The following ATP9A variants were observed in gnomAD, a reference collection of about 807,000 sequenced individuals.
ATP9A encodes the protein probable phospholipid-transporting ATPase IIA.
ATP9A carries 52 observed loss-of-function variants against 144.1 expected under a neutral mutation model. The ratio of observed to expected loss-of-function variants is 0.36; its 90% CI spans 0.29 to 0.45. ATP9A has a LOEUF of 0.45. Among genes scored for constraint, ATP9A ranks in the 20% least tolerant of loss-of-function variants. The probability of loss-of-function intolerance (pLI) is 1.00; values close to 1 mark genes in which losing one functional copy is unlikely to be tolerated. For synonymous variants in ATP9A, 582 were observed against 557.4 expected, an observed-to-expected ratio of 1.04 and a Z score of -0.62; for missense variants, 947 against 1,392.7, an observed-to-expected ratio of 0.68 and a Z score of 5.09.
At chr20:51,759,195 A>G (rs1476377453) in intron 1 of ATP9A, among the ~76,000 whole-genome samples, 1 of 152,208 alleles carries the variant, frequency 6.6e-6, no homozygotes, top group Non-Finnish European at 1.5e-5. Context: ...CACTGTTCTC[A>G]TCCCAGGGGG....
intron 7 of ATP9A, among the ~76,000 whole-genome samples, chr20:51,691,150 C>T (rs1312942206): frequency 6.6e-6 from 1 of 152,146 alleles, no homozygotes; most frequent in Non-Finnish European, 1.5e-5. Context: ...TTCTGGCTTG[C>T]AAGACTTGTT....
At chr20:51,664,724 T>G (rs1213946108) in intron 13 of ATP9A, among the ~76,000 whole-genome samples, 1 of 150,116 alleles carries the variant, frequency 6.7e-6, no homozygotes, top group Admixed American at 6.6e-5. Flanking sequence ...TTAAATTTCT[T>G]TTTTTTTTCC....
At chr20:51,723,563 C>CTTTTT (rs753282602) in intron 3 of ATP9A, among the ~76,000 whole-genome samples, 1 of 133,242 alleles carries the variant, frequency 7.5e-6, no homozygotes, top group Non-Finnish European at 1.6e-5. Context: ...ACAGCAAATT[C>CTTTTT]TTTTTTTTTT....
chr20:51,623,495 G>A (rs982079490), intron 18 of ATP9A, among the ~76,000 whole-genome samples: 1 of 152,128 alleles, frequency 6.6e-6, no homozygotes, highest in Admixed American at 6.5e-5. Context: ...AAAATATCCT[G>A]TGCAGCCAGG....
At chr20:51,680,788 G>C (rs565612261) in intron 9 of ATP9A, among the ~76,000 whole-genome samples, 1 of 152,074 alleles carries the variant, frequency 6.6e-6, no homozygotes, top group Non-Finnish European at 1.5e-5. Context: ...TAGAATCAGA[G>C]GGCAATTAGA....
At chr20:51,702,365 C>CGTGTGTGTGTGTGT (rs10578719) in intron 4 of ATP9A, among the ~76,000 whole-genome samples, 68 of 130,306 alleles carry the variant, frequency 5.2e-4, no homozygotes, top group East Asian at 3.7e-3. Flanking sequence ...TGTGTGTGTT[C>CGTGTGTGTGTGTGT]GTGTGTGTGT....
At chr20:51,740,210 C>T (rs1486402327) in intron 1 of ATP9A, among the ~76,000 whole-genome samples, 2 of 151,894 alleles carry the variant, frequency 1.3e-5, no homozygotes, top group Admixed American at 6.6e-5. Context: ...GCATGCACCA[C>T]CACACCTGGC....
chr20:51,665,101 A>T (rs1208348976), intron 13 of ATP9A, among the ~76,000 whole-genome samples: 1 of 66,920 alleles, frequency 1.5e-5, no homozygotes, highest in Non-Finnish European at 4.2e-5. Flanking sequence ...CACCTGCTAC[A>T]ACCGGAAGAA....
chr20:51,696,899 A>G (rs1350685608), intron 5 of ATP9A, among the ~76,000 whole-genome samples: 1 of 152,196 alleles, frequency 6.6e-6, no homozygotes, highest in Non-Finnish European at 1.5e-5. Flanking sequence ...AGAAAAAGAC[A>G]TGAGTGTTTG....
At chr20:51,625,075 G>A in intron 18 of ATP9A, 117 bp downstream of exon 18, 2 of 896,518 alleles carry the variant, frequency 2.2e-6, no homozygotes, top group Non-Finnish European at 3.3e-6. Flanking sequence ...TGCAGATAAG[G>A]CACTCCTGGT....
intron 1 of ATP9A, 72 bp downstream of exon 1, chr20:51,768,230 C>A: frequency 9.5e-7 from 1 of 1,054,866 alleles, no homozygotes; most frequent in Non-Finnish European, 1.2e-6. Context: ...CTGTCAGGCC[C>A]GGCCAGGCTG....
intron 6 of ATP9A, among the ~76,000 whole-genome samples, chr20:51,694,437 G>T (rs192587694): frequency 1.3e-5 from 2 of 152,300 alleles, no homozygotes; most frequent in East Asian, 3.9e-4. Context: ...ACGAGCACAG[G>T]TTGACCAGCA....
intron 13 of ATP9A, among the ~76,000 whole-genome samples, chr20:51,664,813 G>A (rs564434570): frequency 1.3e-5 from 2 of 151,868 alleles, no homozygotes; most frequent in South Asian, 2.1e-4. Flanking sequence ...TCCACCTGCC[G>A]GGTTCAAGCT....
At chr20:51,724,775 C>G (rs919916692) in intron 3 of ATP9A, among the ~76,000 whole-genome samples, 2 of 152,182 alleles carry the variant, frequency 1.3e-5, no homozygotes, top group Non-Finnish European at 2.9e-5. Context: ...AGGGAAGGAA[C>G]AGAGGGGCTA....
intron 15 of ATP9A, among the ~76,000 whole-genome samples, chr20:51,638,330 C>G (rs374057228): frequency 1.3e-5 from 2 of 148,818 alleles, no homozygotes; most frequent in Admixed American, 6.7e-5. Context: ...GATGAAAGAG[C>G]CTTATTCCAA....
In ATP9A at chr20:51,700,770, C is replaced by T. The variant is rs1051112319; in HGVS notation, c.437-3288G>A. Among the ~76,000 whole-genome samples, 3 of 152,166 alleles carry T rather than the reference C, an allele frequency of 2.0e-5. No homozygotes were observed. In the East Asian group the frequency reaches 5.8e-4, roughly 29 times the overall value. Reference sequence around the variant, plus strand: ...GCTTGAACCCGGGAGGCGGAGGTTGCAGTGAGCCCAGTTCGCACCACTGCA... The same window carrying T: ...GCTTGAACCCGGGAGGCGGAGGTTGTAGTGAGCCCAGTTCGCACCACTGCA... On this transcript the variant is annotated intron_variant, in intron 4 of 27. Coordinates refer to ENST00000338821, the MANE Select transcript of ATP9A (RefSeq NM_006045.3).
intron 12 of ATP9A, among the ~76,000 whole-genome samples, chr20:51,670,630 T>C (rs1293917685): frequency 6.6e-6 from 1 of 152,170 alleles, no homozygotes; most frequent in Non-Finnish European, 1.5e-5. Context: ...CCATGGACAT[T>C]AAGCAGTAGA....
At position 51,608,576 on chromosome 20, in the gene ATP9A, T is replaced by C; in HGVS notation, c.2687A>G (p.Lys896Arg). 1.9e-6 allele frequency: 3 copies of C among 1,613,850 alleles called. No individual in the cohort carries two copies. The South Asian group carries it at 3.3e-5, about 18-fold the overall frequency. ...MFPVFSLVLD[K>R]DVKSEVAMLY... ...CATGGCAACTTCCGATTTGACATCTTTGTCCAGGACCAGAGAAAACACAGG... is the reference window on the plus strand; with the variant it reads ...CATGGCAACTTCCGATTTGACATCTCTGTCCAGGACCAGAGAAAACACAGG... The change falls in exon 25 of 28, where the codon AAA becomes AGA. Residue 896 changes from lysine (K) to arginine (R), a missense_variant. Physicochemically the swap from Lys to Arg is conservative, Grantham distance 26. Around this residue, in one of 2 missense-constraint regions of ATP9A, gnomAD observed 177 missense variants for 344.9 expected, o/e 0.51. Coordinates refer to ENST00000338821, the MANE Select transcript of ATP9A (RefSeq NM_006045.3).
At chr20:51,737,966 A>G (rs142520654) in intron 1 of ATP9A, among the ~76,000 whole-genome samples, 55 of 152,070 alleles carry the variant, frequency 3.6e-4, no homozygotes, top group Admixed American at 5.2e-4. Flanking sequence ...AAGTGGGAGG[A>G]TCACTTGAGC....
Sources: allele counts gnomAD v4.1 joint callset (sites outside exome capture counted in the v4.1 genomes callset), GRCh38; gene constraint gnomAD v4.1.1; regional missense constraint gnomAD v4.1.1; transcripts MANE v1.5; gene names NCBI Gene and HGNC (gene_info 2026-07-23, HGNC 2026-07-21).